The following SPPL3 variants were observed in gnomAD, a reference collection of about 807,000 sequenced individuals.
SPPL3 encodes the protein signal peptide peptidase like 3.
Under a neutral mutation model 42.4 loss-of-function variants are expected in SPPL3, and 5 were observed. The observed-to-expected ratio is 0.12, with a 90% confidence interval of 0.06 to 0.25. The LOEUF is 0.25. SPPL3 is among the 10% of genes least tolerant of loss of function. The pLI is 1.00. For missense variants in SPPL3, 235 were observed against 489.0 expected (o/e 0.48, Z 4.90); for synonymous variants, 195 against 181.8 (o/e 1.07, Z -0.58).
chr12:120,901,756 A>G (rs1334153443), intron 1 of SPPL3: 7 of 385,128 alleles, frequency 1.8e-5, no homozygotes, highest in Non-Finnish European at 1.8e-5. Flanking sequence ...TAAAGCAAAC[A>G]GAGCTGACAT....
At chr12:120,815,223 C>T (rs994772651) in intron 1 of SPPL3, among the ~76,000 whole-genome samples, 1 of 152,172 alleles carries the variant, frequency 6.6e-6, no homozygotes. Flanking sequence ...AGAGGTTATA[C>T]CATTTCACAC....
At chr12:120,783,112 TGG>T in intron 5 of SPPL3, among the ~76,000 whole-genome samples, 1 of 152,186 alleles carries the variant, frequency 6.6e-6, no homozygotes. Flanking sequence ...TTACCAAAGA[TGG>T]TATCACTCTA....
intron 1 of SPPL3, among the ~76,000 whole-genome samples, chr12:120,829,336 C>T (rs1662630667): frequency 6.6e-6 from 1 of 152,200 alleles, no homozygotes; most frequent in African/African-American, 2.4e-5. Flanking sequence ...TAGCTCACGC[C>T]TGTAATCCCA....
intron 1 of SPPL3, among the ~76,000 whole-genome samples, chr12:120,820,114 C>A (rs888840021): frequency 2.8e-4 from 43 of 152,144 alleles, no homozygotes; most frequent in Admixed American, 2.6e-3. Context: ...GCTATGCAAA[C>A]TGCTAACACC....
At chr12:120,809,977 A>T (rs73229134) in intron 2 of SPPL3, among the ~76,000 whole-genome samples, 28,870 of 148,410 alleles carry the variant, frequency 0.19, 4,328 homozygotes, top group African/African-American at 0.41. Context: ...ACATAAAAAA[A>T]TTTTTTTTTT....
intron 9 of SPPL3, 84 bp from the exon 10 acceptor site, chr12:120,766,456 C>T (rs1868911774): frequency 7.3e-6 from 8 of 1,103,042 alleles, no homozygotes; most frequent in Non-Finnish European, 7.7e-6. Flanking sequence ...TGCAACTGTA[C>T]AGATCTAATG....
At chr12:120,807,682 A>G (rs1478651302) in intron 2 of SPPL3, among the ~76,000 whole-genome samples, 1 of 144,710 alleles carries the variant, frequency 6.9e-6, no homozygotes, top group African/African-American at 2.4e-5. Context: ...CTCAAAAAAA[A>G]AAAAAGAAAA....
chr12:120,874,909 C>T (rs1477858379), intron 1 of SPPL3, among the ~76,000 whole-genome samples: 1 of 152,168 alleles, frequency 6.6e-6, no homozygotes, highest in East Asian at 1.9e-4. Flanking sequence ...GCCAATATAG[C>T]TTCTATTTGG....
chr12:120,858,975 T>TA (rs1872547021), intron 1 of SPPL3, among the ~76,000 whole-genome samples: 1 of 152,230 alleles, frequency 6.6e-6, no homozygotes, highest in African/African-American at 2.4e-5. Flanking sequence ...TTTACTTATT[T>TA]AGTCACTCTA....
At chr12:120,887,708 A>G (rs1873507139) in intron 1 of SPPL3, among the ~76,000 whole-genome samples, 1 of 152,238 alleles carries the variant, frequency 6.6e-6, no homozygotes, top group South Asian at 2.1e-4. Context: ...CAACTTTGGT[A>G]GTACACTTCT....
chr12:120,779,046 A>AC (rs1869431463), intron 6 of SPPL3, among the ~76,000 whole-genome samples: 1 of 152,210 alleles, frequency 6.6e-6, no homozygotes, highest in Non-Finnish European at 1.5e-5. Flanking sequence ...GGATCATGTT[A>AC]CCATATTGCA....
At chr12:120,887,768 A>G (rs1413156386) in intron 1 of SPPL3, among the ~76,000 whole-genome samples, 6 of 152,160 alleles carry the variant, frequency 3.9e-5, no homozygotes, top group African/African-American at 1.4e-4. Context: ...TCCTCTACAA[A>G]CCCTTAATTA....
At chr12:120,858,042 C>G (rs148451656) in intron 1 of SPPL3, among the ~76,000 whole-genome samples, 156 of 151,924 alleles carry the variant, frequency 1.0e-3, no homozygotes, top group African/African-American at 3.6e-3. Context: ...GGTTTTATCT[C>G]AAAGTCATTA....
intron 1 of SPPL3, among the ~76,000 whole-genome samples, chr12:120,857,015 C>T (rs942840596): frequency 1.3e-5 from 2 of 152,054 alleles, no homozygotes; most frequent in African/African-American, 4.8e-5. Flanking sequence ...TCTTTCAGGA[C>T]AAAGTCTTGT....
chr12:120,872,261 G>A (rs1430549792), intron 1 of SPPL3, among the ~76,000 whole-genome samples: 1 of 152,170 alleles, frequency 6.6e-6, no homozygotes, highest in African/African-American at 2.4e-5. Context: ...TCTCAATTTG[G>A]AACATGAAGT....
intron 1 of SPPL3, among the ~76,000 whole-genome samples, chr12:120,876,819 A>G (rs1447634554): frequency 9.9e-6 from 1 of 100,850 alleles, no homozygotes; most frequent in East Asian, 5.3e-4. Context: ...ACACACACAC[A>G]CACACACACA....
rs1347000673 is a variant in SPPL3, at chr12:120,781,591, T to G, written c.502+1064A>C. Among the ~76,000 whole-genome samples, 10 of 73,416 alleles carry G rather than the reference T, an allele frequency of 1.4e-4. No homozygotes were observed. In the Admixed American group the frequency reaches 2.2e-3, roughly 16 times the overall value. The allele number at this position is 73,416 out of a possible 152,430, so 48.2% of individuals were successfully genotyped here. On this transcript the variant is annotated intron_variant, in intron 6 of 10. Coordinates refer to ENST00000353487, the MANE Select transcript of SPPL3 (RefSeq NM_139015.5). ...TTTTTTTTTTTTTTTTTTTTTTTTTTGAGACGGAGTCTTGCTCTGTTGCCC... is the reference window on the plus strand; with the variant it reads ...TTTTTTTTTTTTTTTTTTTTTTTTTGGAGACGGAGTCTTGCTCTGTTGCCC...
chr12:120,855,735 A>T (rs1872434006), intron 1 of SPPL3, among the ~76,000 whole-genome samples: 1 of 152,148 alleles, frequency 6.6e-6, no homozygotes, highest in Non-Finnish European at 1.5e-5. Flanking sequence ...GTACTTCAGA[A>T]ATGTGTTCAG....
intron 1 of SPPL3, among the ~76,000 whole-genome samples, chr12:120,831,859 C>A (rs1393391735): frequency 6.6e-6 from 1 of 152,144 alleles, no homozygotes; most frequent in African/African-American, 2.4e-5. Flanking sequence ...TACGAATTCC[C>A]ACTGAAAGCC....
Sources: allele counts gnomAD v4.1 joint callset (sites outside exome capture counted in the v4.1 genomes callset), GRCh38; gene constraint gnomAD v4.1.1; transcripts MANE v1.5; gene names NCBI Gene and HGNC (gene_info 2026-07-23, HGNC 2026-07-21).